Variants in CREB5 observed in about 807,000 individuals in gnomAD.
The protein encoded by CREB5 is cAMP responsive element binding protein 5.
In CREB5, 19 loss-of-function variants were observed where a neutral mutation model predicts 57.1. The ratio of observed to expected loss-of-function variants is 0.33; its 90% CI spans 0.23 to 0.49. The LOEUF is 0.49. CREB5 is among the 20% of genes least tolerant of loss of function. The probability of loss-of-function intolerance (pLI) is 0.99; values close to 1 mark genes in which losing one functional copy is unlikely to be tolerated. For missense variants in CREB5, 579 were observed against 671.6 expected, an observed-to-expected ratio of 0.86 and a Z score of 1.52; for synonymous variants, 238 against 238.3, an observed-to-expected ratio of 1.00 and a Z score of 0.01.
At chr7:28,533,663 C>T (rs1402442075) in intron 4 of CREB5, among the ~76,000 whole-genome samples, 3 of 152,242 alleles carry the variant, frequency 2.0e-5, no homozygotes, top group Non-Finnish European at 1.5e-5. Flanking sequence ...ATCATGTCCT[C>T]TGAGAAGTTT....
chr7:28,560,373 G>A (rs933762466), intron 4 of CREB5, among the ~76,000 whole-genome samples: 4 of 152,090 alleles, frequency 2.6e-5, no homozygotes, highest in Admixed American at 6.6e-5. Flanking sequence ...GGAAATATAG[G>A]GTCTTGAAGG....
chr7:28,818,979 T>C, intron 10 of CREB5, 137 bp from the exon 11 acceptor site: 1 of 1,047,918 alleles, frequency 9.5e-7, no homozygotes, highest in Non-Finnish European at 1.4e-6. Context: ...AAATTAACTT[T>C]CAGAAGAAAA....
At chr7:28,486,116 C>T (rs531306300) in intron 1 of CREB5, among the ~76,000 whole-genome samples, 10 of 152,192 alleles carry the variant, frequency 6.6e-5, no homozygotes, top group Admixed American at 2.6e-4. Context: ...GAAAATGCAT[C>T]GCTCTGTGAA....
chr7:28,757,715 T>C (rs1805410308), intron 7 of CREB5, among the ~76,000 whole-genome samples: 1 of 150,984 alleles, frequency 6.6e-6, no homozygotes, highest in African/African-American at 2.4e-5. Context: ...GTGGTAGTAG[T>C]GGTGGTGATG....
chr7:28,782,492 A>G (rs1470681141), intron 7 of CREB5, among the ~76,000 whole-genome samples: 2 of 152,230 alleles, frequency 1.3e-5, no homozygotes, highest in African/African-American at 4.8e-5. Context: ...GAAAATAAAA[A>G]GAAGAAATGA....
intron 5 of CREB5, among the ~76,000 whole-genome samples, chr7:28,593,746 T>A (rs1796603920): frequency 6.6e-6 from 1 of 152,184 alleles, no homozygotes; most frequent in Non-Finnish European, 1.5e-5. Context: ...CCCCTCAAGA[T>A]GTGCCATAGG....
At chr7:28,686,612 G>C (rs1800937281) in intron 5 of CREB5, among the ~76,000 whole-genome samples, 1 of 152,216 alleles carries the variant, frequency 6.6e-6, no homozygotes, top group Admixed American at 6.5e-5. Flanking sequence ...AGGAGACAGG[G>C]AGAGAGTTAA....
At chr7:28,370,347 T>A (rs1187226345) in intron 1 of CREB5, among the ~76,000 whole-genome samples, 1 of 152,102 alleles carries the variant, frequency 6.6e-6, no homozygotes, top group African/African-American at 2.4e-5. Context: ...ATTTGTAAAG[T>A]GAGAAAATAC....
intron 5 of CREB5, among the ~76,000 whole-genome samples, chr7:28,704,604 A>G (rs1416704503): frequency 6.6e-6 from 1 of 151,846 alleles, no homozygotes; most frequent in Non-Finnish European, 1.5e-5. Context: ...TACTACAGGC[A>G]CCCCACCATG....
chr7:28,669,568 G>A (rs41342), intron 5 of CREB5, among the ~76,000 whole-genome samples: 4 of 151,898 alleles, frequency 2.6e-5, no homozygotes, highest in African/African-American at 9.7e-5. Context: ...TCTGCTCTAG[G>A]CTTACAACAC....
At chr7:28,566,968 T>C (rs1391494747) in intron 4 of CREB5, among the ~76,000 whole-genome samples, 1 of 152,186 alleles carries the variant, frequency 6.6e-6, no homozygotes, top group African/African-American at 2.4e-5. Context: ...AGAAGATTCT[T>C]AAACTTTTGG....
At chr7:28,513,660 T>G (rs981330729) in intron 4 of CREB5, 1 of 152,314 alleles carries the variant, frequency 6.6e-6, no homozygotes, top group African/African-American at 2.4e-5. Context: ...TTAGGTGGAA[T>G]TTGACGCTGG....
Position 28,329,439 on chromosome 7 carries a change from C to T in CREB5, c.-25+29998C>T, listed in dbSNP as rs147123117. On this transcript the variant is annotated intron_variant, in intron 1 of 9. Coordinates refer to the CREB5 transcript ENST00000396299. The stretch of plus-strand genomic sequence containing the variant: ...TGGAAAGAATAGACTGAATTGGGGC[C>T]GAAGCCTCTCAGGCTGGCTCAGTGC... 4.7e-3 allele frequency among the ~76,000 whole-genome samples: 718 copies of T among 152,278 alleles called. 2 individuals carry two copies. Among genetic ancestry groups the T allele is most frequent in the Non-Finnish European group, 8.1e-3 (553 of 68,028 alleles).
At chr7:28,321,770 G>C (rs1037445368) in intron 1 of CREB5, among the ~76,000 whole-genome samples, 1 of 152,168 alleles carries the variant, frequency 6.6e-6, no homozygotes, top group African/African-American at 2.4e-5. Flanking sequence ...CTTCACTTAG[G>C]AGAAACACAT....
intron 1 of CREB5, among the ~76,000 whole-genome samples, chr7:28,458,401 G>T (rs1010203287): frequency 6.6e-6 from 1 of 152,226 alleles, no homozygotes; most frequent in African/African-American, 2.4e-5. Context: ...CATGACATGG[G>T]TGTGCTTTGA....
chr7:28,536,949 C>A (rs1468680108), intron 4 of CREB5, among the ~76,000 whole-genome samples: 1 of 152,224 alleles, frequency 6.6e-6, no homozygotes, highest in African/African-American at 2.4e-5. Context: ...AGTGGTACCA[C>A]TGCTTAACCA....
At chr7:28,720,939 A>C (rs1803000766) in intron 6 of CREB5, among the ~76,000 whole-genome samples, 1 of 152,186 alleles carries the variant, frequency 6.6e-6, no homozygotes, top group Non-Finnish European at 1.5e-5. Flanking sequence ...AAGATGAGAC[A>C]CTTAGGCTGA....
At chr7:28,337,295 T>G (rs1020678351) in intron 1 of CREB5, among the ~76,000 whole-genome samples, 2 of 152,022 alleles carry the variant, frequency 1.3e-5, no homozygotes, top group Non-Finnish European at 2.9e-5. Context: ...GCGTGGTGTT[T>G]GATTTCTCTA....
intron 7 of CREB5, among the ~76,000 whole-genome samples, chr7:28,725,615 G>A (rs1463268081): frequency 2.8e-5 from 4 of 144,112 alleles, no homozygotes; most frequent in South Asian, 2.2e-4. Flanking sequence ...AACTGTTTTG[G>A]AGACCAAAGT....
Sources: gnomAD v4.1 joint callset for allele counts (sites outside exome capture counted in the v4.1 genomes callset) on GRCh38, gnomAD v4.1.1 for gene constraint, MANE v1.5 for transcripts, NCBI Gene and HGNC (gene_info 2026-07-23, HGNC 2026-07-21) for gene names.